SCLT1: variants seen among roughly 807,000 people sequenced by gnomAD.
SCLT1 encodes the protein sodium channel-associated protein 1.
Under a neutral mutation model 112.8 loss-of-function variants are expected in SCLT1, and 78 were observed. The ratio of observed to expected loss-of-function variants is 0.69; its 90% CI spans 0.58 to 0.83. The LOEUF (loss-of-function observed/expected upper bound fraction) is 0.83. Among genes scored for constraint, SCLT1 ranks in the 40% least tolerant of loss-of-function variants. The pLI, the probability that SCLT1 is intolerant of heterozygous loss-of-function variation, is 0.00. For synonymous variants in SCLT1, 257 were observed against 254.7 expected (o/e 1.01, Z -0.09); for missense variants, 747 against 770.4 (o/e 0.97, Z 0.36).
intron 11 of SCLT1, among the ~76,000 whole-genome samples, chr4:128,962,554 T>A (rs1739832454): frequency 6.6e-6 from 1 of 152,146 alleles, no homozygotes; most frequent in African/African-American, 2.4e-5. Context: ...TCCTCCCACC[T>A]TTTTTCTCTA....
chr4:128,897,892 A>G (rs1733917103), intron 18 of SCLT1, among the ~76,000 whole-genome samples: 1 of 152,148 alleles, frequency 6.6e-6, no homozygotes, highest in South Asian at 2.1e-4. Flanking sequence ...GATAAAACAG[A>G]CTTTAAAACA....
At chr4:129,075,952 C>G (rs1166581124) in intron 2 of SCLT1, among the ~76,000 whole-genome samples, 1 of 152,144 alleles carries the variant, frequency 6.6e-6, no homozygotes, top group South Asian at 2.1e-4. Flanking sequence ...AAGGCCCCTT[C>G]TTGGTCCATT....
downstream of SCLT1, among the ~76,000 whole-genome samples, chr4:128,879,230 A>T (rs1732589341): frequency 1.3e-5 from 2 of 152,202 alleles, no homozygotes; most frequent in South Asian, 4.1e-4. Flanking sequence ...TTCAATCAAG[A>T]ACGCTGATCC....
intron 14 of SCLT1, among the ~76,000 whole-genome samples, chr4:128,950,291 T>C (rs1738610425): frequency 2.0e-5 from 3 of 152,136 alleles, no homozygotes; most frequent in African/African-American, 7.2e-5. Context: ...GAAATGCATG[T>C]GTAAGTATGC....
At position 129,085,563 on chromosome 4, in the gene SCLT1, T is replaced by G. The variant is rs546229709; in HGVS notation, c.35-3190A>C. Among the ~76,000 whole-genome samples, 15 of 152,256 alleles carry G rather than the reference T, an allele frequency of 9.9e-5. No individual in the cohort carries two copies. In the East Asian group the frequency reaches 2.5e-3, roughly 25 times the overall value. On this transcript the variant is annotated intron_variant, in intron 1 of 20. Transcript: ENST00000281142. ...ATTCTACCACAAAGACACATGAGCA[T>G]GTATGTCCATTGCAACACTATCCAC... is the stretch of plus-strand genomic sequence containing the variant.
intron 5 of SCLT1, among the ~76,000 whole-genome samples, chr4:129,025,700 T>C (rs550694206): frequency 1.4e-4 from 22 of 152,120 alleles, no homozygotes; most frequent in African/African-American, 5.3e-4. Context: ...CACATAACAA[T>C]ATTAACTTTA....
At chr4:128,988,612 G>A (rs1453105651) in intron 9 of SCLT1, among the ~76,000 whole-genome samples, 1 of 151,728 alleles carries the variant, frequency 6.6e-6, no homozygotes, top group Non-Finnish European at 1.5e-5. Context: ...TAACAAAATG[G>A]CAGTAGTGAG....
chr4:128,990,160 T>C (rs1248906282), intron 9 of SCLT1, among the ~76,000 whole-genome samples: 1 of 151,862 alleles, frequency 6.6e-6, no homozygotes, highest in African/African-American at 2.4e-5. Flanking sequence ...AGGAAAGCTA[T>C]AGGCCAACAT....
intron 9 of SCLT1, among the ~76,000 whole-genome samples, chr4:128,978,247 T>G (rs1373470903): frequency 6.6e-6 from 1 of 152,224 alleles, no homozygotes; most frequent in Non-Finnish European, 1.5e-5. Context: ...AATTCAATTA[T>G]GGAACTCAAC....
rs78202687 is a variant in SCLT1, at chr4:129,091,160, T to C, written c.34+1910A>G. Among the ~76,000 whole-genome samples the C allele has an allele frequency of 9.7e-3, 1,476 of 152,134 alleles. 18 individuals are homozygous for C. The highest frequency in any genetic ancestry group is 0.029 in the African/African-American group (1,188 of 41,488). On this transcript the variant is annotated intron_variant, in intron 1 of 20. Transcript: ENST00000281142. ...AATGGAATAACCCACCACCTTCAAATGGCATGCAAAATCCGGTTAAAGAAA... is the reference window on the plus strand; with the variant it reads ...AATGGAATAACCCACCACCTTCAAACGGCATGCAAAATCCGGTTAAAGAAA...
At chr4:129,052,908 A>G (rs781704230) in intron 2 of SCLT1, among the ~76,000 whole-genome samples, 1 of 152,154 alleles carries the variant, frequency 6.6e-6, no homozygotes, top group Non-Finnish European at 1.5e-5. Flanking sequence ...AATATGTCCA[A>G]GAGATTCTGG....
intron 9 of SCLT1, among the ~76,000 whole-genome samples, chr4:128,976,498 GC>G (rs1741187101): frequency 6.6e-6 from 1 of 152,056 alleles, no homozygotes; most frequent in African/African-American, 2.4e-5. Flanking sequence ...TTTACTTCAT[GC>G]CTGCAATGTT....
intron 5 of SCLT1, among the ~76,000 whole-genome samples, chr4:129,010,700 G>A (rs544034229): frequency 1.2e-4 from 19 of 152,186 alleles, no homozygotes; most frequent in African/African-American, 1.7e-4. Context: ...ATGGGATTGC[G>A]TTACTCATTT....
At chr4:128,948,349 A>AG in intron 15 of SCLT1, 147 bp downstream of exon 15, 6 of 1,017,202 alleles carry the variant, frequency 5.9e-6, no homozygotes, top group Non-Finnish European at 7.9e-6. Context: ...AAAAAAAAAA[A>AG]AAAAAAAAAA....
chr4:129,019,024 T>C (rs1311216913), intron 5 of SCLT1, among the ~76,000 whole-genome samples: 1 of 152,208 alleles, frequency 6.6e-6, no homozygotes, highest in Non-Finnish European at 1.5e-5. Context: ...AGTTATTCTT[T>C]ATGGTTTTTA....
exon 4 of SCLT1, chr4:128,876,628 T>TTTGA (rs1354603777): frequency 1.3e-5 from 2 of 152,272 alleles, no homozygotes; most frequent in Non-Finnish European, 2.9e-5. Flanking sequence ...TGAGGTAGGC[T>TTTGA]TTGATTGTCT....
chr4:129,035,352 G>A (rs1357409743), intron 5 of SCLT1, among the ~76,000 whole-genome samples: 1 of 152,060 alleles, frequency 6.6e-6, no homozygotes, highest in African/African-American at 2.4e-5. Context: ...TTTTTCAGAA[G>A]CTCCACAAGG....
At chr4:128,884,737 T>C (rs1212416485) in intron 20 of SCLT1, among the ~76,000 whole-genome samples, 198 bp from the exon 21 acceptor site, 3 of 152,202 alleles carry the variant, frequency 2.0e-5, no homozygotes, top group Non-Finnish European at 4.4e-5. Flanking sequence ...CACAGCTCAA[T>C]GTAGCCTTGA....
In SCLT1 at chr4:129,075,331, G is replaced by T. The variant is rs72685341; in HGVS notation, c.102+6975C>A. On this transcript the variant is annotated intron_variant, in intron 2 of 20. Transcript: ENST00000281142. The stretch of plus-strand genomic sequence containing the variant: ...CTGCAGGAAATCTCTTAATCCTTTC[G>T]TTTATATCATGAGGAGGTTAATTTT... Among the ~76,000 whole-genome samples, 917 of 152,162 alleles carry T rather than the reference G, an allele frequency of 6.0e-3. 8 individuals are homozygous for T. The highest frequency in any genetic ancestry group is 0.014 in the East Asian group (74 of 5,176).
Sources: gnomAD v4.1 joint callset for allele counts (sites outside exome capture counted in the v4.1 genomes callset) on GRCh38, gnomAD v4.1.1 for gene constraint, MANE v1.5 for transcripts, NCBI Gene and HGNC (gene_info 2026-07-23, HGNC 2026-07-21) for gene names.